The following NUP153 variants were observed in gnomAD, a reference collection of about 807,000 sequenced individuals.
NUP153 encodes the protein nucleoporin 153.
Under a neutral mutation model 134.6 loss-of-function variants are expected in NUP153, and 27 were observed. That is an observed-to-expected ratio of 0.20 (90% CI 0.15 to 0.28). The LOEUF (loss-of-function observed/expected upper bound fraction) is 0.28, where lower values mean the gene tolerates loss of function less well. Ranked by LOEUF, NUP153 falls within the 10% of genes least tolerant of loss-of-function variation. NUP153 has a pLI of 1.00. For missense variants in NUP153, 1,821 were observed against 1,731.3 expected (o/e 1.05, Z -0.92); for synonymous variants, 640 against 623.5 (o/e 1.03, Z -0.40).
chr6:17,644,814 G>A lies in NUP153; in HGVS notation c.1720+1253C>T, dbSNP rs184379059. On this transcript the variant is annotated intron_variant, in intron 14 of 21. Transcript: ENST00000262077. ...AAAAAATTAGCCAGGGGCAGGGCGC[G>A]GTGGTTCACGCCTGTAATCCCAGCA... 7.9e-4 allele frequency among the ~76,000 whole-genome samples: 120 copies of A among 152,156 alleles called. No individual in the cohort carries two copies. The Middle Eastern group carries it at 0.01, about 13-fold the overall frequency.
chr6:17,701,888 C>T (rs1217166643), intron 1 of NUP153, among the ~76,000 whole-genome samples: 2 of 141,662 alleles, frequency 1.4e-5, no homozygotes, highest in Admixed American at 7.7e-5. Context: ...CAAACTATAT[C>T]TAGGAGGATT....
chr6:17,622,949 T>A (rs1013654152), intron 20 of NUP153, among the ~76,000 whole-genome samples: 25 of 151,934 alleles, frequency 1.6e-4, no homozygotes, highest in African/African-American at 6.0e-4. Flanking sequence ...GCTAACACGG[T>A]GAAACCCCAT....
In NUP153 at chr6:17,628,944, G is replaced by A; in HGVS notation, c.3255C>T (p.Gly1085=). ...MPATKGGFSF[G]NVEPASLPSA... is the part of the protein sequence containing the mutation. ...ATGGCAGAGAGGCAGGCTCCACGTT[G>A]CCAAAAGAGAATCCTCCTTTGGTGG... Residue 1085 remains glycine (G), a synonymous_variant, in exon 18 of 22, where the codon GGC becomes GGT. Transcript: ENST00000262077. This position sits in a 1 kb window ranked among gnomAD's most constrained non-coding sequence, Gnocchi z 5.4. 6.2e-7 allele frequency: 1 copy of A among 1,614,084 alleles called. No homozygotes were observed. The highest frequency in any genetic ancestry group is 8.5e-7 in the Non-Finnish European group (1 of 1,180,008).
intron 20 of NUP153, among the ~76,000 whole-genome samples, chr6:17,623,628 T>C (rs111270697): frequency 5.3e-5 from 8 of 152,164 alleles, no homozygotes; most frequent in Non-Finnish European, 1.2e-4. Context: ...TAAAAACAAC[T>C]GAAACATATG....
At chr6:17,643,117 G>A (rs933857243) in intron 14 of NUP153, among the ~76,000 whole-genome samples, 1 of 152,122 alleles carries the variant, frequency 6.6e-6, no homozygotes, top group Admixed American at 6.6e-5. Context: ...CGCTGTCAAG[G>A]TACTAAAGGC....
At chr6:17,659,088 G>A (rs1031490892) in intron 11 of NUP153, among the ~76,000 whole-genome samples, 4 of 152,166 alleles carry the variant, frequency 2.6e-5, no homozygotes, top group African/African-American at 7.2e-5. Flanking sequence ...CACAACCAAC[G>A]CTTCAAAAGT....
At chr6:17,674,259 T>C (rs1335807341) in intron 5 of NUP153, among the ~76,000 whole-genome samples, 6 of 152,158 alleles carry the variant, frequency 3.9e-5, no homozygotes, top group African/African-American at 4.8e-5. Context: ...GTTATATACA[T>C]AATAATATGT....
chr6:17,706,703 T>G lies in NUP153; in HGVS notation c.-316A>C. On this transcript the variant is annotated 5_prime_UTR_variant, in exon 1 of 22. Coordinates refer to ENST00000262077, the MANE Select transcript of NUP153 (RefSeq NM_005124.4). This position sits in a 1 kb window ranked among gnomAD's most constrained non-coding sequence, Gnocchi z 5.9. ...CTCCCGCAGAGGACAGCACGAACAG[T>G]TCCCCGCGGTGCTGAGGCCTAACTC... The G allele has an allele frequency of 1.3e-5, 5 of 383,536 alleles. No homozygotes were observed. Among genetic ancestry groups the G allele is most frequent in the Non-Finnish European group, 1.4e-5 (3 of 210,048 alleles). 23.8% of individuals were successfully genotyped at this position (383,536 alleles called of 1,614,324 possible). A position where few individuals can be genotyped will look rare whatever the true frequency, so the allele number is the denominator to read the frequency against.
rs771129251 is a variant in NUP153 at position 17,665,308 on chromosome 6, A to G, written c.1146T>C (p.Tyr382=). The G allele has an allele frequency of 5.0e-6, 8 of 1,613,408 alleles. No individual in the cohort carries two copies. The Admixed American group carries it at 1.0e-4, about 20-fold the overall frequency. The change falls in exon 9 of 22, where the codon TAT becomes TAC. Residue 382 remains tyrosine, a synonymous_variant. Transcript: ENST00000262077. ...PVSIATNRSV[Y]FKPSLTPSGE... ...CAGAAGGAGTCAGAGATGGTTTAAAATAAACACTTCGATTTGTTGCTATGG... is the reference window on the plus strand; with the variant it reads ...CAGAAGGAGTCAGAGATGGTTTAAAGTAAACACTTCGATTTGTTGCTATGG...
At chr6:17,642,398 A>C (rs1765883811) in intron 14 of NUP153, among the ~76,000 whole-genome samples, 1 of 152,204 alleles carries the variant, frequency 6.6e-6, no homozygotes, top group South Asian at 2.1e-4. Context: ...TCAATGGGTA[A>C]AGGACGTGAA....
chr6:17,666,578 C>T (rs1034157169), intron 8 of NUP153, among the ~76,000 whole-genome samples: 1 of 152,172 alleles, frequency 6.6e-6, no homozygotes, highest in East Asian at 1.9e-4. Flanking sequence ...CCGAATCCCT[C>T]TCCAAGTTAT....
At position 17,666,058 on chromosome 6, in the gene NUP153, C is replaced by G. The variant is rs1581728917; in HGVS notation, c.1069-673G>C. Among the ~76,000 whole-genome samples the G allele has an allele frequency of 2.0e-5, 3 of 151,528 alleles. No individual in the cohort carries two copies. In the East Asian group the frequency reaches 5.8e-4, roughly 29 times the overall value. ...CAGGCTGATCTCAAACTTCTGGGCTCAAGCAATCCTTCTGCCTCAGCCTCT... is the reference window on the plus strand; with the variant it reads ...CAGGCTGATCTCAAACTTCTGGGCTGAAGCAATCCTTCTGCCTCAGCCTCT... On this transcript the variant is annotated intron_variant, in intron 8 of 21. Transcript: ENST00000262077.
At chr6:17,679,026 A>C (rs932972350) in intron 2 of NUP153, among the ~76,000 whole-genome samples, 8 of 152,332 alleles carry the variant, frequency 5.3e-5, no homozygotes, top group Middle Eastern at 3.4e-3. Context: ...ATTTAGTTCC[A>C]AAGTACTATA....
chr6:17,672,207 A>G (rs923483968), intron 5 of NUP153, among the ~76,000 whole-genome samples: 3 of 151,442 alleles, frequency 2.0e-5, no homozygotes, highest in Non-Finnish European at 4.4e-5. Context: ...GGCAAAAGGA[A>G]AGACACACAG....
At position 17,668,992 on chromosome 6, in the gene NUP153, G is replaced by C. The variant is rs148502354; in HGVS notation, c.1051C>G (p.Gln351Glu). The C allele has an allele frequency of 1.5e-5, 22 of 1,484,714 alleles. No homozygotes were observed. The highest frequency in any genetic ancestry group is 1.4e-4 in the African/African-American group (9 of 65,544). The allele number at this position is 1,484,714 out of a possible 1,614,324, so 92.0% of individuals were successfully genotyped here. A position where few individuals can be genotyped will look rare whatever the true frequency, so the allele number is the denominator to read the frequency against. The change falls in exon 8 of 22, where the codon CAG becomes GAG. Residue 351 changes from glutamine (Q) to glutamate (E), a missense_variant. Physicochemically the swap from Gln to Glu is conservative, Grantham distance 29 (BLOSUM62 2). Transcript: ENST00000262077. ...DRSGIDITDF[Q>E]AKREKVDSQY... ...AGTTTTACCTTTTCTCTTTTGGCCT[G>C]AAAATCTGTGATATCTATCCCACTC...
Position 17,706,470 on chromosome 6 carries a change from G to A in NUP153, c.-83C>T. ...GCGGAGGCCTTAGAGAGCCTCCCCC[G>A]CCGCCCGGCCCCGGCCCAAAAGTCC... On this transcript the variant is annotated 5_prime_UTR_variant, in exon 1 of 22. Transcript: ENST00000262077. This position sits in a 1 kb window ranked among gnomAD's most constrained non-coding sequence, Gnocchi z 5.9. 1.9e-6 allele frequency: 2 copies of A among 1,065,666 alleles called. No individual in the cohort carries two copies. The highest frequency in any genetic ancestry group is 2.7e-6 in the Non-Finnish European group (2 of 737,498). The allele number at this position is 1,065,666 out of a possible 1,614,324, so 66.0% of individuals were successfully genotyped here. A position where few individuals can be genotyped will look rare whatever the true frequency, so the allele number is the denominator to read the frequency against.
chr6:17,618,818 G>T (rs952948463), intron 20 of NUP153, among the ~76,000 whole-genome samples: 1 of 152,108 alleles, frequency 6.6e-6, no homozygotes, highest in Non-Finnish European at 1.5e-5. Flanking sequence ...TGCCCGCCTT[G>T]GCCTCCCAAA....
intron 16 of NUP153, among the ~76,000 whole-genome samples, chr6:17,635,397 C>T (rs186931379): frequency 1.1e-3 from 166 of 152,062 alleles, no homozygotes; most frequent in African/African-American, 3.6e-3. Flanking sequence ...GTGTAAGCCA[C>T]CGCACCCGGC....
At chr6:17,643,509 C>T (rs1765967186) in intron 14 of NUP153, among the ~76,000 whole-genome samples, 1 of 152,158 alleles carries the variant, frequency 6.6e-6, no homozygotes, top group South Asian at 2.1e-4. Context: ...ACCACTCGTA[C>T]AACTATGCCA....
Sources: gnomAD v4.1 joint callset for allele counts (sites outside exome capture counted in the v4.1 genomes callset) on GRCh38, gnomAD v4.1.1 for gene constraint, Gnocchi (gnomAD v3.1) non-coding constraint, MANE v1.5 for transcripts, NCBI Gene and HGNC (gene_info 2026-07-23, HGNC 2026-07-21) for gene names.